LIPA: variants seen among roughly 807,000 people sequenced by gnomAD.
The protein encoded by LIPA is lipase A, lysosomal acid type, also known as lysosomal acid lipase/cholesteryl ester hydrolase.
In LIPA, 26 loss-of-function variants were observed where a neutral mutation model predicts 40.6. The observed-to-expected ratio is 0.64, with a 90% CI of 0.47 to 0.89. The LOEUF (loss-of-function observed/expected upper bound fraction) is 0.89, where lower values mean the gene tolerates loss of function less well. Among genes scored for constraint, LIPA ranks in the 40% least tolerant of loss-of-function variants. The pLI is 0.00. For synonymous variants in LIPA, 188 were observed against 168.4 expected (o/e 1.12, Z -0.90); for missense variants, 455 against 479.6 (o/e 0.95, Z 0.48).
At position 89,214,478 on chromosome 10, in the gene LIPA, C is replaced by T. The variant is rs542997576; in HGVS notation, c.*350G>A. 5 of 201,442 alleles carry T rather than the reference C, an allele frequency of 2.5e-5. No homozygotes were observed. The South Asian group carries it at 4.1e-4, about 16-fold the overall frequency. 12.5% of individuals were successfully genotyped at this position (201,442 alleles called of 1,614,324 possible). On this transcript the variant is annotated 3_prime_UTR_variant, in exon 10 of 10. Coordinates refer to ENST00000336233, the MANE Select transcript of LIPA (RefSeq NM_000235.4). ...TGACAACACAATTTTAAAATTCCAA[C>T]ACATATATTACTTTGTCCTATGAAG...
chr10:89,408,466 T>G (rs2133642794), intron 2 of LIPA, among the ~76,000 whole-genome samples: 1 of 152,284 alleles, frequency 6.6e-6, no homozygotes, highest in East Asian at 1.9e-4. Context: ...CCCTTCCTAT[T>G]AATGATAAGC....
rs1332172444 is a variant in LIPA, at chr10:89,375,022, T to A, written c.61+37769A>T. Among the ~76,000 whole-genome samples, 3 of 152,166 alleles carry A rather than the reference T, an allele frequency of 2.0e-5. No homozygotes were observed. In the East Asian group the frequency reaches 5.8e-4, roughly 29 times the overall value. On this transcript the variant is annotated intron_variant, in intron 2 of 8. Coordinates refer to the LIPA transcript ENST00000371837. ...TCTCTCAGTGCCCACTGGGAAAAAT[T>A]GTAGTCTGGAAGGGCTCCAGCTAAT...
intron 1 of LIPA, among the ~76,000 whole-genome samples, chr10:89,264,239 T>C (rs1843224179): frequency 6.6e-6 from 1 of 152,218 alleles, no homozygotes; most frequent in Non-Finnish European, 1.5e-5. Flanking sequence ...CCTGAGTTCT[T>C]GTCCCACATC....
At chr10:89,288,182 T>G (rs1052730325) in intron 1 of LIPA, among the ~76,000 whole-genome samples, 2 of 151,756 alleles carry the variant, frequency 1.3e-5, no homozygotes, top group African/African-American at 4.8e-5. Flanking sequence ...CTGCTGATCA[T>G]GTCTGACTAA....
intron 2 of LIPA, among the ~76,000 whole-genome samples, chr10:89,409,382 G>T (rs367714603): frequency 6.6e-6 from 1 of 152,148 alleles, no homozygotes; most frequent in Non-Finnish European, 1.5e-5. Flanking sequence ...CCAATCACCC[G>T]GTAGGGCTTG....
chr10:89,361,808 C>G (rs146463167), intron 2 of LIPA, among the ~76,000 whole-genome samples: 2 of 148,842 alleles, frequency 1.3e-5, no homozygotes, highest in Non-Finnish European at 3.0e-5. Context: ...TTAAGCTTTA[C>G]CTAAGCCTTA....
intron 2 of LIPA, among the ~76,000 whole-genome samples, chr10:89,371,982 T>C (rs113842661): frequency 6.6e-6 from 1 of 152,246 alleles, no homozygotes; most frequent in Non-Finnish European, 1.5e-5. Context: ...ATGTTCTCAC[T>C]CACCAGTGGG....
chr10:89,231,980 C>T (rs1030424102), intron 3 of LIPA, among the ~76,000 whole-genome samples: 7 of 152,158 alleles, frequency 4.6e-5, no homozygotes, highest in African/African-American at 1.7e-4. Flanking sequence ...GTGGTAGATA[C>T]AGCGTCTTAT....
chr10:89,309,611 G>A (rs1843504728), intron 1 of LIPA, among the ~76,000 whole-genome samples: 1 of 152,188 alleles, frequency 6.6e-6, no homozygotes, highest in Non-Finnish European at 1.5e-5. Context: ...GTGTGCTAAA[G>A]ATGGATGTAT....
intron 1 of LIPA, among the ~76,000 whole-genome samples, chr10:89,297,321 T>C (rs1348587439): frequency 6.6e-6 from 1 of 152,138 alleles, no homozygotes; most frequent in Non-Finnish European, 1.5e-5. Flanking sequence ...CAAGGGTATT[T>C]CATGAGACAG....
At position 89,234,238 on chromosome 10, in the gene LIPA, C is replaced by A. The variant is rs183620581; in HGVS notation, c.230-5840G>T. On this transcript the variant is annotated intron_variant, in intron 3 of 9. Transcript: ENST00000336233. Reference sequence around the variant, plus strand: ...CAGTGTGCACATGAAAGCCTCCCTGCCTGATTCTGACGCGCAGCCAGGCTG... The same window carrying A: ...CAGTGTGCACATGAAAGCCTCCCTGACTGATTCTGACGCGCAGCCAGGCTG... Among the ~76,000 whole-genome samples, 3 of 152,338 alleles carry A rather than the reference C, an allele frequency of 2.0e-5. No individual in the cohort carries two copies. In the East Asian group the frequency reaches 5.8e-4, roughly 29 times the overall value.
chr10:89,407,470 A>G (rs962025660), intron 2 of LIPA, among the ~76,000 whole-genome samples: 1 of 152,146 alleles, frequency 6.6e-6, no homozygotes, highest in Non-Finnish European at 1.5e-5. Flanking sequence ...CCAAAGCCCC[A>G]TCGTATGGGG....
At chr10:89,339,394 G>T in intron 1 of LIPA, 2 of 1,614,176 alleles carry the variant, frequency 1.2e-6, no homozygotes, top group Non-Finnish European at 1.7e-6. Flanking sequence ...CCTCCGCAGT[G>T]CAGCCAAATT....
Position 89,271,473 on chromosome 10 carries a change from A to T in LIPA, c.-1-23824T>A, listed in dbSNP as rs77950970. Among the ~76,000 whole-genome samples the T allele has an allele frequency of 9.7e-3, 1,471 of 152,328 alleles. 22 individuals are homozygous for T. The highest frequency in any genetic ancestry group is 0.034 in the African/African-American group (1,403 of 41,564). On this transcript the variant is annotated intron_variant, in intron 1 of 5. Transcript: ENST00000282673. Reference sequence around the variant, plus strand: ...GCTAATTAACCAGCAGGCTTAAAAAAGGTGATTATTGTTCTGATGGGTGAT... The same window carrying T: ...GCTAATTAACCAGCAGGCTTAAAAATGGTGATTATTGTTCTGATGGGTGAT...
Position 89,228,292 on chromosome 10 carries a change from A to G in LIPA, c.336T>C (p.Gly112=). 3 of 1,614,184 alleles carry G rather than the reference A, an allele frequency of 1.9e-6. No homozygotes were observed. Among genetic ancestry groups the G allele is most frequent in the Non-Finnish European group, 2.5e-6 (3 of 1,180,028 alleles). The stretch of plus-strand genomic sequence containing the variant: ...TGCTGTTGCCCATCCACACGTCAAA[A>G]CCAGCATCAGCAAGAATGAAGCCCA... ...SSLGFILADA[G]FDVWMGNSRG... is the part of the protein sequence containing the mutation. Residue 112 remains glycine (G), a synonymous_variant, in exon 4 of 10, where the codon GGT becomes GGC. Coordinates refer to ENST00000336233, the MANE Select transcript of LIPA (RefSeq NM_000235.4).
intron 1 of LIPA, among the ~76,000 whole-genome samples, chr10:89,295,020 T>TGAAAG (rs56297817): frequency 0.057 from 6,106 of 106,516 alleles, 330 homozygotes; most frequent in African/African-American, 0.12. Flanking sequence ...GGAAATGAAA[T>TGAAAG]GAAAGGAAAG....
chr10:89,306,132 A>G, intron 1 of LIPA: 2 of 1,614,150 alleles, frequency 1.2e-6, no homozygotes, highest in South Asian at 1.1e-5. Flanking sequence ...CTACTGGCCT[A>G]TCTAAAGCAC....
At chr10:89,258,158 T>A (rs1434557180) in intron 1 of LIPA, among the ~76,000 whole-genome samples, 1 of 152,256 alleles carries the variant, frequency 6.6e-6, no homozygotes, top group African/African-American at 2.4e-5. Context: ...CAATTGATTT[T>A]TACCAAGGTT....
intron 2 of LIPA, among the ~76,000 whole-genome samples, chr10:89,376,431 T>G (rs533372173): frequency 1.3e-5 from 2 of 152,194 alleles, no homozygotes; most frequent in Non-Finnish European, 2.9e-5. Context: ...TAAGATCTTA[T>G]GTGACGTTCC....
Sources: gnomAD v4.1 joint callset for allele counts (sites outside exome capture counted in the v4.1 genomes callset) on GRCh38, gnomAD v4.1.1 for gene constraint, MANE v1.5 for transcripts, NCBI Gene and HGNC (gene_info 2026-07-23, HGNC 2026-07-21) for gene names.